RAB2A: variants seen among roughly 807,000 people sequenced by gnomAD.
The protein encoded by RAB2A is ras-related protein Rab-2A.
In RAB2A, 7 loss-of-function variants were observed where a neutral mutation model predicts 32.5. The ratio of observed to expected loss-of-function variants is 0.22; its 90% CI spans 0.12 to 0.40. The LOEUF is 0.40. Ranked by LOEUF, RAB2A falls within the 10% of genes least tolerant of loss-of-function variation. The pLI, the probability that RAB2A is intolerant of heterozygous loss-of-function variation, is 1.00. For synonymous variants in RAB2A, 79 were observed against 85.2 expected (o/e 0.93, Z 0.40); for missense variants, 108 against 260.7 (o/e 0.41, Z 4.03).
intron 2 of RAB2A, among the ~76,000 whole-genome samples, chr8:60,563,659 T>A (rs1808060369): frequency 6.6e-6 from 1 of 152,232 alleles, no homozygotes; most frequent in African/African-American, 2.4e-5. Flanking sequence ...TACCAATATC[T>A]GGAACCATTT....
rs1199662515 is a variant in RAB2A at position 60,616,098 on chromosome 8, T to G, written c.475-2482T>G. On this transcript the variant is annotated intron_variant, in intron 6 of 7. Transcript: ENST00000262646. ...TGTAATGGAGTTAATTGCATGCCTT[T>G]CAGATAAAAAAATACTGTATGTACA... Among the ~76,000 whole-genome samples the G allele has an allele frequency of 9.9e-5, 15 of 152,176 alleles. 1 individual carries two copies. Among genetic ancestry groups the G allele is most frequent in the Non-Finnish European group, 2.1e-4 (14 of 68,028 alleles).
rs7822882 is a variant in RAB2A at position 60,585,792 on chromosome 8, A to G, written c.362+977A>G. ...CAAAAGGGAACTCAAATTACTATAC[A>G]TTGATAATCAAATAAAGAAACTGAA... On this transcript the variant is annotated intron_variant, in intron 5 of 7. Transcript: ENST00000262646. Among the ~76,000 whole-genome samples the G allele has an allele frequency of 5.4e-3, 827 of 152,328 alleles. 13 individuals are homozygous for G. Among genetic ancestry groups the G allele is most frequent in the African/African-American group, 0.019 (792 of 41,578 alleles).
At chr8:60,598,158 T>C (rs1804063466) in intron 6 of RAB2A, among the ~76,000 whole-genome samples, 1 of 151,914 alleles carries the variant, frequency 6.6e-6, no homozygotes, top group Non-Finnish European at 1.5e-5. Context: ...AGAGGCACCA[T>C]TGCACTCCAG....
chr8:60,549,388 A>G (rs71525414), intron 1 of RAB2A, among the ~76,000 whole-genome samples: 544 of 151,316 alleles, frequency 3.6e-3, no homozygotes, highest in Non-Finnish European at 5.9e-3. Flanking sequence ...CTGCAATCCC[A>G]GCACCTCGGG....
At chr8:60,612,701 A>ATC (rs1178135739) in intron 6 of RAB2A, among the ~76,000 whole-genome samples, 1 of 152,220 alleles carries the variant, frequency 6.6e-6, no homozygotes, top group African/African-American at 2.4e-5. Flanking sequence ...GCTCAGTCAT[A>ATC]TCTACAAAAT....
chr8:60,526,017 G>GTATATA (rs1312469468), intron 1 of RAB2A, among the ~76,000 whole-genome samples: 9 of 74,242 alleles, frequency 1.2e-4, no homozygotes, highest in African/African-American at 3.0e-4. Context: ...ATGTGTGTGT[G>GTATATA]TACATATATA....
intron 3 of RAB2A, 59 bp downstream of exon 3, chr8:60,572,172 C>T (rs1586090052): frequency 1.2e-5 from 16 of 1,289,248 alleles, no homozygotes; most frequent in East Asian, 4.9e-5. Flanking sequence ...GAAAGTACAT[C>T]GTATATTTGT....
At chr8:60,516,976 C>T (rs968033134), upstream of RAB2A, 4 of 421,954 alleles carry the variant, frequency 9.5e-6, no homozygotes, top group South Asian at 5.1e-5. Flanking sequence ...GGAGGCGCCG[C>T]GGCGGCTGTT....
chr8:60,588,049 G>A lies in RAB2A; in HGVS notation c.362+3234G>A, dbSNP rs200917094. Among the ~76,000 whole-genome samples, 46 of 152,286 alleles carry A rather than the reference G, an allele frequency of 3.0e-4. No homozygotes were observed. The East Asian group carries it at 7.5e-3, about 25-fold the overall frequency. ...AGAAATTAAAAGGCCGAGGCGGGAG[G>A]ATTGCTTCAGCCTAGGAGTTTGAGA... On this transcript the variant is annotated intron_variant, in intron 5 of 7. Coordinates refer to ENST00000262646, the MANE Select transcript of RAB2A (RefSeq NM_002865.3).
chr8:60,554,817 C>T (rs1014567587), intron 1 of RAB2A, among the ~76,000 whole-genome samples: 9 of 151,890 alleles, frequency 5.9e-5, no homozygotes, highest in South Asian at 2.1e-4. Flanking sequence ...TGCGCCACTG[C>T]ACTCCAGCCT....
chr8:60,616,415 T>C (rs917750723), intron 6 of RAB2A, among the ~76,000 whole-genome samples: 1 of 152,230 alleles, frequency 6.6e-6, no homozygotes, highest in Non-Finnish European at 1.5e-5. Flanking sequence ...ATGTGGATGC[T>C]CTTGGAAGCA....
chr8:60,554,853 A>G (rs1807910996), intron 1 of RAB2A, among the ~76,000 whole-genome samples: 1 of 141,756 alleles, frequency 7.1e-6, no homozygotes, highest in Non-Finnish European at 1.5e-5. Context: ...ACTCCGTCTC[A>G]AAAAAAAAAA....
rs1312570119 is a variant in RAB2A, at chr8:60,595,491, A to G, written c.474+3522A>G. Among the ~76,000 whole-genome samples the G allele has an allele frequency of 3.3e-5, 5 of 152,242 alleles. 1 individual carries two copies. The highest frequency in any genetic ancestry group is 4.1e-4 in the South Asian group (2 of 4,832). Reference sequence around the variant, plus strand: ...AAAAACAATGACTTAGCTATATGGTATTTATAAGAAACTCACTCCAAATAC... The same window carrying G: ...AAAAACAATGACTTAGCTATATGGTGTTTATAAGAAACTCACTCCAAATAC... On this transcript the variant is annotated intron_variant, in intron 6 of 7. Coordinates refer to ENST00000262646, the MANE Select transcript of RAB2A (RefSeq NM_002865.3).
intron 2 of RAB2A, 127 bp downstream of exon 2, chr8:60,559,050 T>A: frequency 1.5e-6 from 1 of 654,632 alleles, no homozygotes; most frequent in Non-Finnish European, 2.6e-6. Flanking sequence ...TTACGCTGTT[T>A]AATCTCTGTC....
At chr8:60,548,776 C>T (rs1235542652) in intron 1 of RAB2A, among the ~76,000 whole-genome samples, 1 of 143,976 alleles carries the variant, frequency 6.9e-6, no homozygotes, top group Non-Finnish European at 1.5e-5. Flanking sequence ...GGGCTGATCC[C>T]CCCACCTCCC....
intron 6 of RAB2A, among the ~76,000 whole-genome samples, chr8:60,604,678 A>C (rs1396959847): frequency 3.2e-4 from 48 of 152,176 alleles, no homozygotes; most frequent in Non-Finnish European, 1.0e-4. Context: ...TGGAACTTGG[A>C]ACTTGAATGG....
chr8:60,577,135 T>TC (rs1272376824), intron 3 of RAB2A, among the ~76,000 whole-genome samples: 4 of 151,824 alleles, frequency 2.6e-5, no homozygotes, highest in South Asian at 2.1e-4. Flanking sequence ...AGCCTCCACC[T>TC]CCCAGGCTCA....
chr8:60,558,981 A>G, intron 2 of RAB2A, 58 bp downstream of exon 2: 1 of 1,281,812 alleles, frequency 7.8e-7, no homozygotes, highest in Non-Finnish European at 1.1e-6. Context: ...TAAATGGAAA[A>G]TGCTAGAAGG....
chr8:60,523,821 G>A (rs1807338343), intron 1 of RAB2A, among the ~76,000 whole-genome samples: 1 of 151,688 alleles, frequency 6.6e-6, no homozygotes, highest in South Asian at 2.1e-4. Flanking sequence ...CTCCCAAGTA[G>A]CTGGGACTAC....
Sources: gnomAD v4.1 joint callset for allele counts (sites outside exome capture counted in the v4.1 genomes callset) on GRCh38, gnomAD v4.1.1 for gene constraint, MANE v1.5 for transcripts, NCBI Gene and HGNC (gene_info 2026-07-23, HGNC 2026-07-21) for gene names.